ZNF365: variants seen among roughly 807,000 people sequenced by gnomAD.
ZNF365 encodes zinc finger protein 365.
In ZNF365, 22 loss-of-function variants were observed where a neutral mutation model predicts 35.0. The observed-to-expected ratio is 0.63, with a 90% CI of 0.45 to 0.90. The LOEUF (loss-of-function observed/expected upper bound fraction) is 0.90, where lower values mean the gene tolerates loss of function less well. Ranked by LOEUF, ZNF365 falls within the 40% of genes least tolerant of loss-of-function variation. The probability of loss-of-function intolerance (pLI) is 0.00; values close to 1 mark genes in which losing one functional copy is unlikely to be tolerated. For synonymous variants in ZNF365, 188 were observed against 196.2 expected (o/e 0.96, Z 0.35); for missense variants, 448 against 500.3 (o/e 0.90, Z 1.00).
At chr10:62,440,189 T>C (rs917140911) in intron 3 of ZNF365, among the ~76,000 whole-genome samples, 6 of 151,906 alleles carry the variant, frequency 3.9e-5, no homozygotes, top group African/African-American at 1.4e-4. Flanking sequence ...TATTTATTTA[T>C]TTATTTATTT....
At chr10:62,421,072 G>T (rs560501399) in intron 3 of ZNF365, among the ~76,000 whole-genome samples, 1 of 152,010 alleles carries the variant, frequency 6.6e-6, no homozygotes, top group African/African-American at 2.4e-5. Context: ...GGCCTACTTG[G>T]GTTTAGAGAC....
At chr10:62,472,880 T>C (rs1397743899) in intron 4 of ZNF365, among the ~76,000 whole-genome samples, 1 of 152,200 alleles carries the variant, frequency 6.6e-6, no homozygotes, top group Non-Finnish European at 1.5e-5. Flanking sequence ...ATTCCAAGTA[T>C]AGAATAGCAC....
At chr10:62,475,355 A>C (rs1285437248) in intron 4 of ZNF365, among the ~76,000 whole-genome samples, 7 of 152,172 alleles carry the variant, frequency 4.6e-5, no homozygotes, top group Non-Finnish European at 1.0e-4. Context: ...CCAGGAGTTC[A>C]AGGCTGAAGT....
chr10:62,391,948 A>G (rs1200332914), intron 3 of ZNF365, among the ~76,000 whole-genome samples: 1 of 152,242 alleles, frequency 6.6e-6, no homozygotes, highest in African/African-American at 2.4e-5. Context: ...CCATTCTTGC[A>G]GGAGCAAGGT....
chr10:62,435,471 G>A (rs1381379567), intron 3 of ZNF365, among the ~76,000 whole-genome samples: 1 of 152,142 alleles, frequency 6.6e-6, no homozygotes, highest in African/African-American at 2.4e-5. Flanking sequence ...TAGAGATCTG[G>A]AATAGTGCAA....
chr10:62,477,624 T>C (rs1180552963), intron 4 of ZNF365, among the ~76,000 whole-genome samples: 2 of 152,200 alleles, frequency 1.3e-5, no homozygotes, highest in Non-Finnish European at 2.9e-5. Flanking sequence ...TGACCTCAAG[T>C]CTTAGTGGCT....
intron 4 of ZNF365, among the ~76,000 whole-genome samples, chr10:62,478,954 A>T (rs1288175007): frequency 6.6e-6 from 1 of 152,196 alleles, no homozygotes; most frequent in Non-Finnish European, 1.5e-5. Context: ...GCTTTAAAAA[A>T]CTTAATTTCA....
intron 3 of ZNF365, among the ~76,000 whole-genome samples, chr10:62,457,227 C>G (rs1290571613): frequency 1.3e-5 from 2 of 152,134 alleles, no homozygotes; most frequent in African/African-American, 4.8e-5. Context: ...TCTCATTAGC[C>G]AAAGAAAGTC....
At chr10:62,479,446 C>CAA (rs1841186175) in intron 4 of ZNF365, among the ~76,000 whole-genome samples, 1 of 152,168 alleles carries the variant, frequency 6.6e-6, no homozygotes, top group African/African-American at 2.4e-5. Flanking sequence ...GTGGTGTGTA[C>CAA]AAACTACTTT....
At chr10:62,469,997 A>C (rs1371813206) in intron 4 of ZNF365, among the ~76,000 whole-genome samples, 1 of 152,230 alleles carries the variant, frequency 6.6e-6, no homozygotes, top group Non-Finnish European at 1.5e-5. Context: ...ATTGTATCAT[A>C]ATATTGATGA....
chr10:62,418,476 T>A (rs1278830570), intron 3 of ZNF365, among the ~76,000 whole-genome samples: 1 of 152,036 alleles, frequency 6.6e-6, no homozygotes, highest in African/African-American at 2.4e-5. Flanking sequence ...AAAGAAGTGA[T>A]GTGCAGCAAC....
At chr10:62,455,895 C>G (rs189593603) in intron 3 of ZNF365, among the ~76,000 whole-genome samples, 2 of 152,290 alleles carry the variant, frequency 1.3e-5, no homozygotes, top group African/African-American at 4.8e-5. Context: ...TGAAAGGAAA[C>G]TAAGCTGTTT....
At chr10:62,411,167 C>G (rs1267401147) in intron 3 of ZNF365, among the ~76,000 whole-genome samples, 1 of 151,980 alleles carries the variant, frequency 6.6e-6, no homozygotes, top group Non-Finnish European at 1.5e-5. Context: ...TCCTTGTGGA[C>G]TCTGGATGTT....
intron 1 of ZNF365, 67 bp from the exon 2 acceptor site, chr10:62,376,114 G>A (rs558678628): frequency 1.3e-6 from 2 of 1,500,776 alleles, no homozygotes; most frequent in African/African-American, 1.4e-5. Flanking sequence ...TCATGGAGAT[G>A]AGCAGCAATC....
At chr10:62,438,638 T>C (rs1840446157) in intron 3 of ZNF365, among the ~76,000 whole-genome samples, 1 of 152,314 alleles carries the variant, frequency 6.6e-6, no homozygotes, top group East Asian at 1.9e-4. Context: ...AGATATAACA[T>C]TAGATCAAGT....
At chr10:62,396,251 A>G (rs1839725407) in intron 3 of ZNF365, among the ~76,000 whole-genome samples, 2 of 151,390 alleles carry the variant, frequency 1.3e-5, no homozygotes, top group African/African-American at 4.8e-5. Flanking sequence ...TATGTACATG[A>G]ACACATAGTT....
At chr10:62,474,545 C>G (rs1841096660) in intron 4 of ZNF365, among the ~76,000 whole-genome samples, 1 of 152,014 alleles carries the variant, frequency 6.6e-6, no homozygotes, top group Non-Finnish European at 1.5e-5. Flanking sequence ...CTCTCCAGTT[C>G]CTCTAAGGAA....
At chr10:62,478,252 T>C (rs1215517727) in intron 4 of ZNF365, among the ~76,000 whole-genome samples, 1 of 152,130 alleles carries the variant, frequency 6.6e-6, no homozygotes, top group Non-Finnish European at 1.5e-5. Context: ...ATAATAAACA[T>C]GCCCATTTGG....
At chr10:62,395,914 C>A (rs954017196) in intron 3 of ZNF365, among the ~76,000 whole-genome samples, 6 of 152,140 alleles carry the variant, frequency 3.9e-5, no homozygotes, top group African/African-American at 1.4e-4. Flanking sequence ...CAATCTGGGA[C>A]CTTGATCAAA....
Sources: gnomAD v4.1 joint callset for allele counts (sites outside exome capture counted in the v4.1 genomes callset) on GRCh38, gnomAD v4.1.1 for gene constraint, MANE v1.5 for transcripts, NCBI Gene and HGNC (gene_info 2026-07-23, HGNC 2026-07-21) for gene names.